DIP2B: variants seen among roughly 807,000 people sequenced by gnomAD.
DIP2B encodes the protein DIP2 acetate--CoA ligase B (putative).
DIP2B carries 76 observed loss-of-function variants against 198.0 expected under a neutral mutation model. That is an observed-to-expected ratio of 0.38 (90% confidence interval 0.32 to 0.46). The LOEUF (loss-of-function observed/expected upper bound fraction) is 0.46. DIP2B is among the 20% of genes least tolerant of loss of function. DIP2B has a pLI of 0.99. For synonymous variants in DIP2B, 701 were observed against 739.1 expected, an observed-to-expected ratio of 0.95 and a Z score of 0.84; for missense variants, 1,559 against 1,978.4, an observed-to-expected ratio of 0.79 and a Z score of 4.02.
chr12:50,532,683 T>G (rs1232087712), intron 1 of DIP2B, among the ~76,000 whole-genome samples: 1 of 151,988 alleles, frequency 6.6e-6, no homozygotes, highest in African/African-American at 2.4e-5. Context: ...CCAGAGAAGA[T>G]GAGTAAGAGT....
chr12:50,655,440 G>A (rs1938538069), intron 3 of DIP2B, among the ~76,000 whole-genome samples: 1 of 152,192 alleles, frequency 6.6e-6, no homozygotes, highest in Non-Finnish European at 1.5e-5. Context: ...TTTTGGTATA[G>A]TTTTGACTTT....
chr12:50,592,762 A>T (rs1417060248), intron 1 of DIP2B, among the ~76,000 whole-genome samples: 1 of 152,204 alleles, frequency 6.6e-6, no homozygotes, highest in African/African-American at 2.4e-5. Flanking sequence ...GCTGTGAGCC[A>T]CTGCACCCGG....
intron 1 of DIP2B, among the ~76,000 whole-genome samples, chr12:50,522,124 C>A (rs936763322): frequency 6.6e-6 from 1 of 151,998 alleles, no homozygotes; most frequent in Admixed American, 6.5e-5. Flanking sequence ...CCTCAGCCCG[C>A]TGAGTAGCTG....
At chr12:50,698,285 G>A (rs1181491119) in intron 17 of DIP2B, 43 bp from the exon 18 acceptor site, 26 of 1,577,278 alleles carry the variant, frequency 1.6e-5, no homozygotes, top group Non-Finnish European at 2.2e-5. Flanking sequence ...TTTTTCCCTT[G>A]ATGTTATTTC....
chr12:50,702,481 G>C (rs908483838), intron 19 of DIP2B, among the ~76,000 whole-genome samples: 21 of 152,022 alleles, frequency 1.4e-4, no homozygotes, highest in Non-Finnish European at 2.9e-4. Flanking sequence ...AGAATCTCTG[G>C]AACCCGGGAG....
intron 1 of DIP2B, among the ~76,000 whole-genome samples, chr12:50,575,694 T>C (rs1317380821): frequency 6.6e-6 from 1 of 152,098 alleles, no homozygotes; most frequent in Non-Finnish European, 1.5e-5. Flanking sequence ...TCCTTTATTG[T>C]TTATCTCCTA....
Position 50,724,782 on chromosome 12 carries a change from A to T in DIP2B, c.3296A>T (p.Lys1099Ile). ...TGTCCATTTGTTTTCTAGGTCAGCA[A>T]AGCAGCCTGTATTCTCACCAGTCAG... ...PTVRMIVDVS[K>I]AACILTSQTL... Residue 1099 changes from lysine (K) to isoleucine (I), a missense_variant, in exon 28 of 38, where the codon AAA becomes ATA. Transcript: ENST00000301180. 2 of 1,614,078 alleles carry T rather than the reference A, an allele frequency of 1.2e-6. No individual in the cohort carries two copies. Among genetic ancestry groups the T allele is most frequent in the Non-Finnish European group, 1.7e-6 (2 of 1,179,982 alleles).
chr12:50,534,769 G>T (rs1324918053), intron 1 of DIP2B, among the ~76,000 whole-genome samples: 1 of 152,152 alleles, frequency 6.6e-6, no homozygotes, highest in East Asian at 1.9e-4. Context: ...TTTCACTTCT[G>T]TTTATAAGCT....
intron 1 of DIP2B, among the ~76,000 whole-genome samples, chr12:50,607,491 C>G (rs1212265256): frequency 1.3e-5 from 2 of 152,124 alleles, no homozygotes; most frequent in Admixed American, 1.3e-4. Context: ...TCAAGTCTTT[C>G]CTGTGATTTT....
intron 16 of DIP2B, 125 bp downstream of exon 16, chr12:50,696,092 G>T: frequency 1.4e-6 from 2 of 1,404,662 alleles, no homozygotes; most frequent in Non-Finnish European, 1.9e-6. Flanking sequence ...GTAATTCAGT[G>T]GTTTTGGTAT....
chr12:50,703,218 A>G (rs1339829203), intron 19 of DIP2B, among the ~76,000 whole-genome samples: 1 of 150,956 alleles, frequency 6.6e-6, no homozygotes, highest in Non-Finnish European at 1.5e-5. Flanking sequence ...GTGAGACTAT[A>G]TCTCATTTTA....
chr12:50,505,951 T>C (rs1957965046), intron 1 of DIP2B, among the ~76,000 whole-genome samples: 1 of 151,876 alleles, frequency 6.6e-6, no homozygotes, highest in Non-Finnish European at 1.5e-5. Context: ...GAGAGGAGGC[T>C]ACCGTTTACT....
chr12:50,730,334 TTTTC>T (rs761105595), intron 30 of DIP2B, among the ~76,000 whole-genome samples: 8 of 152,010 alleles, frequency 5.3e-5, no homozygotes, highest in African/African-American at 1.9e-4. Flanking sequence ...TTTTTCTTCT[TTTTC>T]TTTCTCTCTC....
At chr12:50,548,804 C>T (rs1263836111) in intron 1 of DIP2B, among the ~76,000 whole-genome samples, 1 of 152,216 alleles carries the variant, frequency 6.6e-6, no homozygotes, top group African/African-American at 2.4e-5. Context: ...GGATTACAGG[C>T]ATGAGCCACT....
chr12:50,594,556 G>A (rs1958862250), intron 1 of DIP2B, among the ~76,000 whole-genome samples: 1 of 152,088 alleles, frequency 6.6e-6, no homozygotes, highest in African/African-American at 2.4e-5. Context: ...AAGTCAATAC[G>A]TATTAGTGTT....
intron 23 of DIP2B, among the ~76,000 whole-genome samples, chr12:50,715,974 T>G (rs111534808): frequency 1.3e-4 from 20 of 152,328 alleles, no homozygotes; most frequent in African/African-American, 4.8e-4. Flanking sequence ...AGTTACTGCT[T>G]TCAGTATCTT....
intron 3 of DIP2B, among the ~76,000 whole-genome samples, chr12:50,652,352 C>A (rs1938471546): frequency 6.8e-6 from 1 of 147,614 alleles, no homozygotes; most frequent in Admixed American, 6.8e-5. Flanking sequence ...ATAATACACA[C>A]ACACACACAC....
chr12:50,688,760 A>G (rs1247511758), intron 12 of DIP2B, among the ~76,000 whole-genome samples: 2 of 152,322 alleles, frequency 1.3e-5, no homozygotes, highest in Middle Eastern at 3.4e-3. Context: ...GGTCCTCCTT[A>G]AAACTCCAGT....
intron 1 of DIP2B, among the ~76,000 whole-genome samples, chr12:50,611,420 G>C (rs1959030924): frequency 6.6e-6 from 1 of 152,118 alleles, no homozygotes; most frequent in African/African-American, 2.4e-5. Context: ...CTATTCCTAA[G>C]AGTGTTATTA....
Sources: gnomAD v4.1 joint callset for allele counts (sites outside exome capture counted in the v4.1 genomes callset) on GRCh38, gnomAD v4.1.1 for gene constraint, MANE v1.5 for transcripts, NCBI Gene and HGNC (gene_info 2026-07-23, HGNC 2026-07-21) for gene names.